COL24A1: variants seen among roughly 807,000 people sequenced by gnomAD.
COL24A1 encodes the protein collagen type XXIV alpha 1 chain.
Under a neutral mutation model 253.9 loss-of-function variants are expected in COL24A1, and 224 were observed. That is an observed-to-expected ratio of 0.88 (90% CI 0.79 to 0.99). The LOEUF (loss-of-function observed/expected upper bound fraction) is 0.99. COL24A1 is among the 50% of genes least tolerant of loss of function. COL24A1 has a pLI of 0.00. For synonymous variants in COL24A1, 685 were observed against 673.7 expected (o/e 1.02, Z -0.26); for missense variants, 2,131 against 2,068.5 (o/e 1.03, Z -0.59).
chr1:85,822,554 T>A (rs867574027), intron 45 of COL24A1, among the ~76,000 whole-genome samples: 4 of 152,126 alleles, frequency 2.6e-5, no homozygotes, highest in Non-Finnish European at 2.9e-5. Flanking sequence ...AACCAACAGA[T>A]TTTTAGTTTG....
chr1:86,033,246 TTG>T (rs1698729644), intron 13 of COL24A1, among the ~76,000 whole-genome samples: 1 of 152,178 alleles, frequency 6.6e-6, no homozygotes, highest in African/African-American at 2.4e-5. Flanking sequence ...TACAGAGATT[TTG>T]TGTTTTTTTC....
At chr1:85,992,181 T>C (rs1043753540) in intron 19 of COL24A1, among the ~76,000 whole-genome samples, 9 of 152,058 alleles carry the variant, frequency 5.9e-5, no homozygotes, top group African/African-American at 1.7e-4. Flanking sequence ...TGTTTGGTTT[T>C]TCGTCCTTGC....
intron 35 of COL24A1, among the ~76,000 whole-genome samples, chr1:85,872,236 G>A (rs183833423): frequency 1.3e-5 from 2 of 152,144 alleles, no homozygotes; most frequent in African/African-American, 4.8e-5. Flanking sequence ...TCATGGATAG[G>A]AAGAATCAAT....
chr1:86,064,067 G>T (rs1420710821), intron 7 of COL24A1, among the ~76,000 whole-genome samples: 1 of 151,906 alleles, frequency 6.6e-6, no homozygotes, highest in African/African-American at 2.4e-5. Context: ...TTTTATAAAA[G>T]GCTCATATCT....
At chr1:85,849,248 T>C in intron 38 of COL24A1, 105 bp downstream of exon 38, 1 of 628,324 alleles carries the variant, frequency 1.6e-6, no homozygotes, top group South Asian at 3.1e-5. Context: ...TTATAATTCT[T>C]TACTACTTTA....
chr1:86,056,800 G>A (rs1334059895), intron 10 of COL24A1, among the ~76,000 whole-genome samples: 1 of 151,358 alleles, frequency 6.6e-6, no homozygotes, highest in Non-Finnish European at 1.5e-5. Flanking sequence ...GTTGCAGTGA[G>A]CCTAGACTGT....
chr1:86,008,922 A>T (rs1696237366), intron 19 of COL24A1, among the ~76,000 whole-genome samples: 1 of 152,084 alleles, frequency 6.6e-6, no homozygotes, highest in Admixed American at 6.6e-5. Context: ...TTAAGAAAAA[A>T]ATTTAACAAA....
intron 43 of COL24A1, among the ~76,000 whole-genome samples, chr1:85,825,192 C>A (rs921285817): frequency 2.7e-5 from 4 of 150,824 alleles, no homozygotes; most frequent in Non-Finnish European, 5.9e-5. Context: ...TTTGTTCTTG[C>A]GATAGCTGAC....
intron 7 of COL24A1, among the ~76,000 whole-genome samples, chr1:86,070,538 A>G (rs536640986): frequency 6.6e-6 from 1 of 152,324 alleles, no homozygotes; most frequent in East Asian, 1.9e-4. Flanking sequence ...GTATTTAATA[A>G]TCAAACCCTC....
Position 85,907,240 on chromosome 1 carries a change from A to G in COL24A1, c.2732T>C (p.Val911Ala), listed in dbSNP as rs748284197. The G allele has an allele frequency of 1.4e-5, 23 of 1,610,840 alleles. No individual in the cohort carries two copies. The highest frequency in any genetic ancestry group is 2.0e-5 in the Non-Finnish European group (23 of 1,177,716). The change falls in exon 28 of 60, where the codon GTG becomes GCG. Residue 911 changes from valine (V) to alanine (A), a missense_variant. Coordinates refer to ENST00000370571, the MANE Select transcript of COL24A1 (RefSeq NM_152890.7). ...ACTCCCAGGTGGTCCTCTTGCCCCC[A>G]CATGACCCTATATGTTGTAAATTTA... ...PIGPLGLPGH[V>A]GARGPPGSQG...
At chr1:85,872,048 C>T (rs1244340336) in intron 35 of COL24A1, among the ~76,000 whole-genome samples, 1 of 152,104 alleles carries the variant, frequency 6.6e-6, no homozygotes, top group Non-Finnish European at 1.5e-5. Context: ...TTCTTATACA[C>T]CAATAACAGA....
In COL24A1 at chr1:86,138,123, C is replaced by T. The variant is rs377096226; in HGVS notation, c.121+7996G>A. Among the ~76,000 whole-genome samples, 18 of 152,222 alleles carry T rather than the reference C, an allele frequency of 1.2e-4. No individual in the cohort carries two copies. In the East Asian group the frequency reaches 2.9e-3, roughly 24 times the overall value. On this transcript the variant is annotated intron_variant, in intron 2 of 59. Transcript: ENST00000370571. ...TTGTACTTACTGTTCTTTCTTGGGA[C>T]GCTTTAAACCCGTGTATTGATTTTA...
At chr1:85,927,542 C>A (rs1687442822) in intron 24 of COL24A1, among the ~76,000 whole-genome samples, 1 of 127,846 alleles carries the variant, frequency 7.8e-6, no homozygotes, top group African/African-American at 3.0e-5. Context: ...CTTAGGTAAA[C>A]AAAGCAGCCA....
chr1:86,139,486 A>G (rs1650771426), intron 2 of COL24A1, among the ~76,000 whole-genome samples: 1 of 152,208 alleles, frequency 6.6e-6, no homozygotes, highest in South Asian at 2.1e-4. Flanking sequence ...GAATTGTACT[A>G]TTATGTTTAC....
At chr1:86,081,624 T>C (rs972537253) in intron 7 of COL24A1, among the ~76,000 whole-genome samples, 1 of 152,186 alleles carries the variant, frequency 6.6e-6, no homozygotes, top group Non-Finnish European at 1.5e-5. Flanking sequence ...CTGTACATGA[T>C]TGAAGAATCA....
At chr1:85,816,608 A>G (rs936878803) in intron 47 of COL24A1, among the ~76,000 whole-genome samples, 180 bp downstream of exon 47, 1 of 152,228 alleles carries the variant, frequency 6.6e-6, no homozygotes, top group Non-Finnish European at 1.5e-5. Flanking sequence ...TACTGAAGAG[A>G]ATGTACCTAT....
At chr1:85,742,721 T>C (rs535262430) in intron 57 of COL24A1, among the ~76,000 whole-genome samples, 1 of 151,872 alleles carries the variant, frequency 6.6e-6, no homozygotes, top group Non-Finnish European at 1.5e-5. Flanking sequence ...ACCCTGAGAG[T>C]CATCCTTTAC....
chr1:85,783,412 G>A (rs1471152536), intron 51 of COL24A1, 84 bp downstream of exon 51: 1 of 1,054,442 alleles, frequency 9.5e-7, no homozygotes, highest in Non-Finnish European at 1.4e-6. Context: ...TTATTTACTT[G>A]AAGTACATTA....
intron 55 of COL24A1, among the ~76,000 whole-genome samples, chr1:85,747,443 A>G (rs1032785695): frequency 6.6e-6 from 1 of 152,126 alleles, no homozygotes; most frequent in Non-Finnish European, 1.5e-5. Flanking sequence ...AGTAGAAACC[A>G]AAATAAATTT....
Sources: allele counts gnomAD v4.1 joint callset (sites outside exome capture counted in the v4.1 genomes callset), GRCh38; gene constraint gnomAD v4.1.1; transcripts MANE v1.5; gene names NCBI Gene and HGNC (gene_info 2026-07-23, HGNC 2026-07-21).